BABAM2: variants seen among roughly 807,000 people sequenced by gnomAD.
BABAM2 encodes BRISC and BRCA1-A complex member 2.
BABAM2 carries 31 observed loss-of-function variants against 54.7 expected under a neutral mutation model. That is an observed-to-expected ratio of 0.57 (90% confidence interval 0.43 to 0.77). The LOEUF is 0.77. BABAM2 is among the 30% of genes least tolerant of loss of function. BABAM2 has a pLI of 0.00. For synonymous variants in BABAM2, 167 were observed against 162.9 expected (o/e 1.03, Z -0.19); for missense variants, 364 against 455.8 (o/e 0.80, Z 1.83).
chr2:27,911,228 T>A (rs1666571579), intron 2 of BABAM2, among the ~76,000 whole-genome samples: 1 of 152,190 alleles, frequency 6.6e-6, no homozygotes, highest in South Asian at 2.1e-4. Context: ...ACTAATACAC[T>A]AGTATTATGA....
chr2:27,894,699 G>GA lies in BABAM2; in HGVS notation c.128+17dup. 3 of 1,613,850 alleles carry GA rather than the reference G, an allele frequency of 1.9e-6. No homozygotes were observed. Among genetic ancestry groups the GA allele is most frequent in the Non-Finnish European group, 2.5e-6 (3 of 1,179,830 alleles). ...TTAAAATCTGGGTATGTACCAGAAT[G>GA]AATTCAGTCAATGTACCAGAACCAA... On this transcript the variant is annotated intron_variant, in intron 2 of 11. Transcript: ENST00000379624.
chr2:28,057,548 C>G (rs1678528061), intron 6 of BABAM2, among the ~76,000 whole-genome samples: 1 of 151,820 alleles, frequency 6.6e-6, no homozygotes, highest in African/African-American at 2.4e-5. Flanking sequence ...TTTTCTTCAC[C>G]CACATCTTAA....
intron 10 of BABAM2, among the ~76,000 whole-genome samples, chr2:28,288,876 C>T (rs1032111563): frequency 1.3e-5 from 2 of 151,992 alleles, no homozygotes; most frequent in African/African-American, 4.8e-5. Context: ...TGCTTCTTGA[C>T]CTTGCCAGGT....
intron 3 of BABAM2, among the ~76,000 whole-genome samples, chr2:27,974,870 C>G (rs1013720604): frequency 1.3e-5 from 2 of 152,068 alleles, no homozygotes; most frequent in East Asian, 3.8e-4. Flanking sequence ...AATCCTAGAA[C>G]TTACGAGTTT....
chr2:28,126,243 T>C (rs1454816858), intron 6 of BABAM2, among the ~76,000 whole-genome samples: 4 of 150,024 alleles, frequency 2.7e-5, no homozygotes, highest in East Asian at 2.0e-4. Context: ...GCTGCACCCA[T>C]TAACTCGTCA....
chr2:28,132,565 A>C (rs1670182186), intron 7 of BABAM2, among the ~76,000 whole-genome samples: 1 of 151,774 alleles, frequency 6.6e-6, no homozygotes. Flanking sequence ...CATTGCCAGC[A>C]CTCTCTTGCC....
intron 5 of BABAM2, among the ~76,000 whole-genome samples, chr2:28,038,414 G>A (rs140596870): frequency 1.7e-4 from 26 of 152,228 alleles, no homozygotes; most frequent in African/African-American, 4.6e-4. Flanking sequence ...GGGGGTACAC[G>A]TACAGGGTTA....
In BABAM2 at chr2:28,001,435, C is replaced by A. The variant is rs145742534; in HGVS notation, c.300+13348C>A. Among the ~76,000 whole-genome samples the A allele has an allele frequency of 6.3e-3, 959 of 152,202 alleles. 6 individuals carry two copies. The highest frequency in any genetic ancestry group is 7.9e-3 in the Non-Finnish European group (534 of 68,006). On this transcript the variant is annotated intron_variant, in intron 4 of 11. Coordinates refer to ENST00000379624, the MANE Select transcript of BABAM2 (RefSeq NM_199191.3). ...TCTTCAATACCTGTTTATTGAATAC[C>A]TCATATTTAGGCACTGTGCTCCATG... is the stretch of plus-strand genomic sequence containing the variant.
chr2:27,983,952 T>TTTTTTTTTTTTTTTTTTTTTTTTTTC, intron 3 of BABAM2, among the ~76,000 whole-genome samples: 1 of 139,480 alleles, frequency 7.2e-6, no homozygotes, highest in African/African-American at 2.7e-5. Context: ...CTTTTTTTTT[T>TTTTTTTTTTTTTTTTTTTTTTTTTTC]TTTTTTTTTG....
At chr2:28,201,502 C>T (rs1678267220) in intron 7 of BABAM2, among the ~76,000 whole-genome samples, 1 of 152,060 alleles carries the variant, frequency 6.6e-6, no homozygotes, top group African/African-American at 2.4e-5. Flanking sequence ...TGAACCCAGT[C>T]TAGGTGTTAC....
intron 7 of BABAM2, among the ~76,000 whole-genome samples, chr2:28,194,067 A>G (rs532210977): frequency 6.6e-6 from 1 of 152,296 alleles, no homozygotes; most frequent in East Asian, 1.9e-4. Context: ...AGCCACTCAG[A>G]GAGCGGGCGG....
intron 4 of BABAM2, among the ~76,000 whole-genome samples, chr2:27,992,413 T>C (rs1672845474): frequency 6.6e-6 from 1 of 152,186 alleles, no homozygotes; most frequent in African/African-American, 2.4e-5. Flanking sequence ...TCATGACTTG[T>C]AATCCTAGTA....
chr2:28,327,559 A>G (rs1002115964), intron 11 of BABAM2: 1 of 1,243,858 alleles, frequency 8.0e-7, no homozygotes, highest in Admixed American at 2.8e-5. Context: ...CTAAAACGGC[A>G]TTTGATTTAA....
chr2:28,044,958 C>G (rs539307162), intron 5 of BABAM2, among the ~76,000 whole-genome samples: 1 of 150,880 alleles, frequency 6.6e-6, no homozygotes, highest in South Asian at 2.1e-4. Context: ...TCTGCATGAT[C>G]TAGTTTGAAA....
At chr2:27,941,748 T>A (rs1668906312) in intron 3 of BABAM2, among the ~76,000 whole-genome samples, 1 of 152,144 alleles carries the variant, frequency 6.6e-6, no homozygotes, top group African/African-American at 2.4e-5. Flanking sequence ...ATCTTCTATG[T>A]CCTCAGAGAA....
At chr2:27,945,438 A>C (rs1219424276) in intron 3 of BABAM2, among the ~76,000 whole-genome samples, 1 of 152,218 alleles carries the variant, frequency 6.6e-6, no homozygotes, top group Non-Finnish European at 1.5e-5. Flanking sequence ...TGAATACAAC[A>C]CGATCCTGAC....
chr2:28,328,673 G>GTCTC (rs1176541301), intron 11 of BABAM2, among the ~76,000 whole-genome samples: 1 of 152,182 alleles, frequency 6.6e-6, no homozygotes, highest in African/African-American at 2.4e-5. Context: ...AGACCACAGG[G>GTCTC]TCTCGTCCAC....
At chr2:28,044,391 G>A (rs1158860549) in intron 5 of BABAM2, among the ~76,000 whole-genome samples, 4 of 152,068 alleles carry the variant, frequency 2.6e-5, no homozygotes, top group African/African-American at 9.7e-5. Flanking sequence ...CACCACGCCC[G>A]GCTAATTTTT....
At chr2:28,327,590 C>A in intron 11 of BABAM2, 1 of 979,792 alleles carries the variant, frequency 1.0e-6, no homozygotes, top group Non-Finnish European at 1.4e-6. Flanking sequence ...ACTGAGACCA[C>A]AGTCAGCCTT....
Sources: gnomAD v4.1 joint callset for allele counts (sites outside exome capture counted in the v4.1 genomes callset) on GRCh38, gnomAD v4.1.1 for gene constraint, MANE v1.5 for transcripts, NCBI Gene and HGNC (gene_info 2026-07-23, HGNC 2026-07-21) for gene names.